The following STK32B variants were observed in gnomAD, a reference collection of about 807,000 sequenced individuals.
The protein encoded by STK32B is serine/threonine-protein kinase 32B.
A neutral mutation model predicts 52.6 loss-of-function variants in STK32B; 43 were observed. The ratio of observed to expected loss-of-function variants is 0.82; its 90% CI spans 0.64 to 1.05. STK32B has a LOEUF of 1.05. STK32B is among the 50% of genes least tolerant of loss of function. The pLI, the probability that STK32B is intolerant of heterozygous loss-of-function variation, is 0.00. For synonymous variants in STK32B, 238 were observed against 204.3 expected (o/e 1.17, Z -1.41); for missense variants, 621 against 534.6 (o/e 1.16, Z -1.59).
At chr4:5,270,747 G>A (rs914393906) in intron 3 of STK32B, among the ~76,000 whole-genome samples, 2 of 152,110 alleles carry the variant, frequency 1.3e-5, no homozygotes, top group Non-Finnish European at 2.9e-5. Flanking sequence ...AGATGGGAAA[G>A]GATGAATAAA....
chr4:5,424,702 A>G (rs966036371), intron 6 of STK32B, among the ~76,000 whole-genome samples: 1 of 152,172 alleles, frequency 6.6e-6, no homozygotes, highest in African/African-American at 2.4e-5. Context: ...TTGTCCATGT[A>G]CCTCATTCTT....
Position 5,386,807 on chromosome 4 carries a change from G to A in STK32B, c.435-11400G>A, listed in dbSNP as rs910231015. Among the ~76,000 whole-genome samples the A allele has an allele frequency of 6.6e-6, 1 of 152,174 alleles. No individual in the cohort carries two copies. Among genetic ancestry groups the A allele is most frequent in the African/African-American group, 2.4e-5 (1 of 41,438 alleles). On this transcript the variant is annotated intron_variant, in intron 4 of 11. Transcript: ENST00000282908. The surrounding 1 kb of genome is among the most constrained non-coding windows in gnomAD (Gnocchi z 4.5). ...GGACCCTCCATTGGGTCCAACTCTC[G>A]GATTCCAATAGAAGTCACGTGGATA...
rs548005109 is a variant in STK32B at position 5,335,152 on chromosome 4, A to G, written c.434+3759A>G. On this transcript the variant is annotated intron_variant, in intron 4 of 11. Coordinates refer to ENST00000282908, the MANE Select transcript of STK32B (RefSeq NM_018401.3). ...AGCTATTGATTATTGCCACAATTTC[A>G]GATCCTGTTATTGATCTATTCAGAG... Among the ~76,000 whole-genome samples, 3 of 152,316 alleles carry G rather than the reference A, an allele frequency of 2.0e-5. No homozygotes were observed. In the South Asian group the frequency reaches 6.2e-4, roughly 32 times the overall value.
intron 11 of STK32B, among the ~76,000 whole-genome samples, chr4:5,498,472 A>G (rs1201601504): frequency 6.6e-6 from 1 of 152,194 alleles, no homozygotes; most frequent in African/African-American, 2.4e-5. Context: ...CCTTGAGGAC[A>G]AAGAATATGA....
intron 1 of STK32B, among the ~76,000 whole-genome samples, chr4:5,080,519 T>G (rs1051833417): frequency 6.6e-6 from 1 of 152,184 alleles, no homozygotes; most frequent in Non-Finnish European, 1.5e-5. Flanking sequence ...TCTTCATTTC[T>G]CAGCTTTTCG....
chr4:5,441,546 A>T (rs1465537444), intron 6 of STK32B, among the ~76,000 whole-genome samples: 12 of 151,570 alleles, frequency 7.9e-5, no homozygotes, highest in Admixed American at 2.0e-4. Flanking sequence ...GATCCTTTCA[A>T]AAAACCAGCT....
intron 1 of STK32B, among the ~76,000 whole-genome samples, chr4:5,128,973 T>A (rs1487643484): frequency 2.6e-5 from 4 of 152,234 alleles, no homozygotes. Flanking sequence ...TCTCAGTGTG[T>A]ATTGCCTGGA....
In STK32B at chr4:5,498,799, G is replaced by T. The variant is rs879270018; in HGVS notation, c.1107-146G>T. Reference sequence around the variant, plus strand: ...CCATCTGGCTACAGTGCACAGCACCGTGGATGCCTTAATGATCAATCTTCC... The same window carrying T: ...CCATCTGGCTACAGTGCACAGCACCTTGGATGCCTTAATGATCAATCTTCC... On this transcript the variant is annotated intron_variant, in intron 11 of 11. Coordinates refer to ENST00000282908, the MANE Select transcript of STK32B (RefSeq NM_018401.3). 8.9e-6 allele frequency: 11 copies of T among 1,235,178 alleles called. No individual in the cohort carries two copies. The Admixed American group carries it at 2.0e-4, about 22-fold the overall frequency. The allele number at this position is 1,235,178 out of a possible 1,614,324, so 76.5% of individuals were successfully genotyped here.
intron 3 of STK32B, 28 bp from the exon 4 acceptor site, chr4:5,331,192 A>C (rs201784963): frequency 1.3e-6 from 2 of 1,586,180 alleles, no homozygotes; most frequent in East Asian, 4.5e-5. Context: ...CTCCACCCCT[A>C]ATCTTCTCTG....
At chr4:5,293,798 T>A (rs1259356319) in intron 3 of STK32B, among the ~76,000 whole-genome samples, 1 of 152,188 alleles carries the variant, frequency 6.6e-6, no homozygotes, top group African/African-American at 2.4e-5. Flanking sequence ...TTTAATGAGA[T>A]CTCATTTGTT....
intron 11 of STK32B, among the ~76,000 whole-genome samples, chr4:5,496,784 A>G (rs1720299363): frequency 6.6e-6 from 1 of 151,690 alleles, no homozygotes; most frequent in East Asian, 1.9e-4. Flanking sequence ...TGTCTTTAAC[A>G]TGGAAATTTT....
In STK32B at chr4:5,399,931, C is replaced by T. The variant is rs572408173; in HGVS notation, c.472+1687C>T. On this transcript the variant is annotated intron_variant, in intron 5 of 11. Coordinates refer to ENST00000282908, the MANE Select transcript of STK32B (RefSeq NM_018401.3). This position sits in a 1 kb window ranked among gnomAD's most constrained non-coding sequence, Gnocchi z 5.4. The stretch of plus-strand genomic sequence containing the variant: ...AGGTGAGAAAACACAGAGGCTGGTT[C>T]TGCTTAGCTGTCTGGAAAGCAGGGG... Among the ~76,000 whole-genome samples the T allele has an allele frequency of 3.9e-5, 6 of 152,204 alleles. No homozygotes were observed. In the South Asian group the frequency reaches 1.2e-3, roughly 32 times the overall value.
chr4:5,331,251 A>G lies in STK32B; in HGVS notation c.292A>G (p.Met98Val), dbSNP rs1560326152. 1 of 1,613,548 alleles carries G rather than the reference A, an allele frequency of 6.2e-7. No homozygotes were observed. The highest frequency in any genetic ancestry group is 1.7e-5 in the Admixed American group (1 of 59,992). ...CTTCCAGGATGAGGAGGACATGTTC[A>G]TGGTGGTGGACCTGCTCCTGGGAGG... The part of the protein sequence containing the change: ...YSFQDEEDMF[M>V]VVDLLLGGDL... Residue 98 changes from methionine (M) to valine (V), a missense_variant, in exon 4 of 12, where the codon ATG becomes GTG. By Grantham distance (21) the Met-to-Val change is conservative. Transcript: ENST00000282908.
chr4:5,054,965 C>T (rs954476897), intron 1 of STK32B, among the ~76,000 whole-genome samples: 3 of 152,138 alleles, frequency 2.0e-5, no homozygotes, highest in Non-Finnish European at 4.4e-5. Context: ...GGCAGAGTTG[C>T]TTTTTTTCCA....
chr4:5,126,661 G>C (rs879465364), intron 1 of STK32B, among the ~76,000 whole-genome samples: 1 of 152,222 alleles, frequency 6.6e-6, no homozygotes, highest in African/African-American at 2.4e-5. Context: ...ACAGCGCCAG[G>C]TGAGATAGCT....
intron 3 of STK32B, among the ~76,000 whole-genome samples, chr4:5,240,058 C>G (rs1577230529): frequency 1.6e-5 from 2 of 127,616 alleles, no homozygotes; most frequent in South Asian, 4.8e-4. Flanking sequence ...TCTCTTCTCT[C>G]TCTCTCTCTC....
intron 1 of STK32B, among the ~76,000 whole-genome samples, chr4:5,119,146 G>A (rs991468087): frequency 6.6e-6 from 1 of 152,194 alleles, no homozygotes; most frequent in African/African-American, 2.4e-5. Flanking sequence ...TGCTGGGAAC[G>A]CGGGCTGCAG....
intron 3 of STK32B, among the ~76,000 whole-genome samples, chr4:5,283,025 T>G (rs1728309126): frequency 6.6e-6 from 1 of 152,136 alleles, no homozygotes; most frequent in Admixed American, 6.5e-5. Context: ...AAACCTATCC[T>G]TTCTATTTAT....
At chr4:5,476,036 A>T (rs1487608376) in intron 11 of STK32B, among the ~76,000 whole-genome samples, 1 of 151,854 alleles carries the variant, frequency 6.6e-6, no homozygotes, top group Non-Finnish European at 1.5e-5. Flanking sequence ...CTGGGATTAC[A>T]GGCACCCGCC....
Sources: gnomAD v4.1 joint callset for allele counts (sites outside exome capture counted in the v4.1 genomes callset) on GRCh38, gnomAD v4.1.1 for gene constraint, Gnocchi (gnomAD v3.1) non-coding constraint, MANE v1.5 for transcripts, NCBI Gene and HGNC (gene_info 2026-07-23, HGNC 2026-07-21) for gene names.